The following RASAL2 variants were observed in gnomAD, a reference collection of about 807,000 sequenced individuals.
RASAL2 encodes RAS protein activator like 2.
In RASAL2, 58 loss-of-function variants were observed where a neutral mutation model predicts 128.9. The ratio of observed to expected loss-of-function variants is 0.45; its 90% confidence interval spans 0.36 to 0.56. The LOEUF (loss-of-function observed/expected upper bound fraction) is 0.56, where lower values mean the gene tolerates loss of function less well. Among genes scored for constraint, RASAL2 ranks in the 20% least tolerant of loss-of-function variants. The pLI is 0.00. For missense variants in RASAL2, 1,360 were observed against 1,601.6 expected (o/e 0.85, Z 2.57); for synonymous variants, 561 against 580.8 (o/e 0.97, Z 0.49).
chr1:178,350,789 CTACT>C (rs1670429653), intron 3 of RASAL2, among the ~76,000 whole-genome samples: 1 of 152,162 alleles, frequency 6.6e-6, no homozygotes, highest in Non-Finnish European at 1.5e-5. Context: ...GGCCCCCTTA[CTACT>C]TGGCGCTTAC....
intron 1 of RASAL2, among the ~76,000 whole-genome samples, chr1:178,167,603 A>G (rs1275078572): frequency 6.6e-6 from 1 of 152,122 alleles, no homozygotes; most frequent in African/African-American, 2.4e-5. Flanking sequence ...CCAAAACTTA[A>G]CTACTAATAG....
chr1:178,208,921 GA>G (rs1663157673), intron 1 of RASAL2, among the ~76,000 whole-genome samples: 2 of 152,060 alleles, frequency 1.3e-5, no homozygotes, highest in South Asian at 2.1e-4. Flanking sequence ...ATGGAAAATA[GA>G]AAGAACCTAC....
intron 5 of RASAL2, among the ~76,000 whole-genome samples, chr1:178,424,991 G>A (rs969697022): frequency 2.0e-5 from 3 of 152,144 alleles, no homozygotes; most frequent in East Asian, 3.9e-4. Context: ...AGAGAATATA[G>A]CATAGAGAAC....
At chr1:178,224,641 G>C (rs1289382869) in intron 1 of RASAL2, among the ~76,000 whole-genome samples, 2 of 152,146 alleles carry the variant, frequency 1.3e-5, no homozygotes, top group Non-Finnish European at 2.9e-5. Flanking sequence ...GTAGTCACTT[G>C]TTCTAGTAAC....
chr1:178,361,557 A>C (rs1396613949), intron 3 of RASAL2, among the ~76,000 whole-genome samples: 5 of 151,962 alleles, frequency 3.3e-5, no homozygotes, highest in Non-Finnish European at 5.9e-5. Context: ...CCAACCATGG[A>C]TCAAAAATAT....
intron 1 of RASAL2, among the ~76,000 whole-genome samples, chr1:178,159,156 G>C (rs1183851670): frequency 6.6e-6 from 1 of 152,176 alleles, no homozygotes; most frequent in Non-Finnish European, 1.5e-5. Context: ...AGCTTGTACT[G>C]TTTGGTCTTT....
chr1:178,201,754 T>G (rs1662880444), intron 1 of RASAL2, among the ~76,000 whole-genome samples: 1 of 152,150 alleles, frequency 6.6e-6, no homozygotes, highest in African/African-American at 2.4e-5. Context: ...TTTCTAGAAG[T>G]GAAACTGATA....
At chr1:178,287,340 C>G (rs928276819) in intron 2 of RASAL2, among the ~76,000 whole-genome samples, 3 of 151,920 alleles carry the variant, frequency 2.0e-5, no homozygotes, top group Non-Finnish European at 2.9e-5. Context: ...CTGTCCCACT[C>G]TCCTGGACTA....
At chr1:178,280,991 T>C (rs551831047) in intron 1 of RASAL2, among the ~76,000 whole-genome samples, 2 of 152,166 alleles carry the variant, frequency 1.3e-5, no homozygotes, top group Admixed American at 1.3e-4. Context: ...GCCCTGGAAA[T>C]GAGAACATGA....
intron 1 of RASAL2, among the ~76,000 whole-genome samples, chr1:178,205,736 G>A (rs1209783680): frequency 6.6e-6 from 1 of 151,938 alleles, no homozygotes; most frequent in Non-Finnish European, 1.5e-5. Context: ...CAGCCTGGGC[G>A]ACAGAGCGAG....
intron 1 of RASAL2, among the ~76,000 whole-genome samples, chr1:178,184,349 T>G (rs1421511020): frequency 3.3e-5 from 5 of 151,614 alleles, no homozygotes. Context: ...TGGTGTTACA[T>G]CCAAAAACTC....
intron 1 of RASAL2, among the ~76,000 whole-genome samples, chr1:178,264,000 C>G (rs1368710336): frequency 6.6e-6 from 1 of 152,196 alleles, no homozygotes; most frequent in South Asian, 2.1e-4. Flanking sequence ...TTTAGGTACT[C>G]TTACTTTTCT....
chr1:178,236,612 CAG>C (rs1664253757), intron 1 of RASAL2, among the ~76,000 whole-genome samples: 2 of 152,074 alleles, frequency 1.3e-5, no homozygotes, highest in African/African-American at 4.8e-5. Context: ...AAACAAAAAA[CAG>C]AAAGGGTTTG....
intron 3 of RASAL2, among the ~76,000 whole-genome samples, chr1:178,389,020 G>T (rs936052897): frequency 6.6e-6 from 1 of 152,146 alleles, no homozygotes; most frequent in South Asian, 2.1e-4. Flanking sequence ...GAGAAAAAAC[G>T]CTCTCTCTTA....
At chr1:178,422,375 G>A (rs1256270401) in intron 5 of RASAL2, among the ~76,000 whole-genome samples, 1 of 151,936 alleles carries the variant, frequency 6.6e-6, no homozygotes, top group African/African-American at 2.4e-5. Context: ...TTAATCAATA[G>A]CAAAGTCTTT....
chr1:178,365,654 G>A (rs1671360183), intron 3 of RASAL2, among the ~76,000 whole-genome samples: 1 of 151,970 alleles, frequency 6.6e-6, no homozygotes, highest in Non-Finnish European at 1.5e-5. Flanking sequence ...TGTGTTTTTA[G>A]CAGAGATGGG....
chr1:178,340,355 C>T (rs975898610), intron 3 of RASAL2, among the ~76,000 whole-genome samples: 6 of 152,046 alleles, frequency 3.9e-5, no homozygotes, highest in Non-Finnish European at 7.4e-5. Flanking sequence ...TCAATTCTGA[C>T]ATGCTAACCT....
chr1:178,342,060 T>A (rs1455605946), intron 3 of RASAL2, among the ~76,000 whole-genome samples: 1 of 152,168 alleles, frequency 6.6e-6, no homozygotes, highest in East Asian at 1.9e-4. Flanking sequence ...TAACACATAA[T>A]CTGTGTCATT....
At chr1:178,153,107 A>G (rs1660968385) in intron 1 of RASAL2, among the ~76,000 whole-genome samples, 1 of 151,510 alleles carries the variant, frequency 6.6e-6, no homozygotes, top group Admixed American at 6.6e-5. Flanking sequence ...CTCTCTCCCA[A>G]CCCCCTTTTT....
Sources: allele counts gnomAD v4.1 joint callset (sites outside exome capture counted in the v4.1 genomes callset), GRCh38; gene constraint gnomAD v4.1.1; transcripts MANE v1.5; gene names NCBI Gene and HGNC (gene_info 2026-07-23, HGNC 2026-07-21).